The following SLC8A2 variants were observed in gnomAD, a reference collection of about 807,000 sequenced individuals.
SLC8A2 encodes the protein sodium/calcium exchanger 2.
Under a neutral mutation model 70.2 loss-of-function variants are expected in SLC8A2, and 14 were observed. The ratio of observed to expected loss-of-function variants is 0.20; its 90% CI spans 0.13 to 0.31. The LOEUF (loss-of-function observed/expected upper bound fraction) is 0.31. Ranked by LOEUF, SLC8A2 falls within the 10% of genes least tolerant of loss-of-function variation. The pLI, the probability that SLC8A2 is intolerant of heterozygous loss-of-function variation, is 1.00. For synonymous variants in SLC8A2, 575 were observed against 594.3 expected, an observed-to-expected ratio of 0.97 and a Z score of 0.47; for missense variants, 779 against 1,320.1, an observed-to-expected ratio of 0.59 and a Z score of 6.35.
rs1966914151 is a variant in SLC8A2, at chr19:47,429,077, C to T, written c.*1012G>A. The T allele has an allele frequency of 6.6e-6, 1 of 150,476 alleles. No individual in the cohort carries two copies. The highest frequency in any genetic ancestry group is 1.5e-5 in the Non-Finnish European group (1 of 67,560). The allele number at this position is 150,476 out of a possible 1,614,324, so 9.3% of individuals were successfully genotyped here. On this transcript the variant is annotated 3_prime_UTR_variant, in exon 10 of 10. Coordinates refer to ENST00000236877, the MANE Select transcript of SLC8A2 (RefSeq NM_015063.3). ...GCTTGTAGCATTGGTCCTCTGGGAC[C>T]CTCGGTCTCCTCTTCGAGGGTCCTG...
Position 47,466,008 on chromosome 19 carries a change from C to T in SLC8A2, c.396G>A (p.Thr132=), listed in dbSNP as rs61744638. The T allele has an allele frequency of 9.9e-6, 16 of 1,613,968 alleles. No homozygotes were observed. Among genetic ancestry groups the T allele is most frequent in the East Asian group, 2.2e-5 (1 of 44,890 alleles). ...GTGCGGAGGAGCCCAGGGCCATGAG[C>T]GTGAGGTTGGACACCGTCTCATTCC... ...RIWNETVSNL[T]LMALGSSAPE... The change falls in exon 2 of 10, where the codon ACG becomes ACA. Residue 132 remains threonine (T), a synonymous_variant. Coordinates refer to ENST00000236877, the MANE Select transcript of SLC8A2 (RefSeq NM_015063.3). This position sits in a 1 kb window ranked among gnomAD's most constrained non-coding sequence, Gnocchi z 6.9.
chr19:47,448,774 T>C lies in SLC8A2; in HGVS notation c.1341-543A>G, dbSNP rs905807657. Among the ~76,000 whole-genome samples, 2 of 152,172 alleles carry C rather than the reference T, an allele frequency of 1.3e-5. No homozygotes were observed. ...GGTCACATTTTAAGTGGCAGGGATA[T>C]AGGACCCAGAAAGGACTCTGTCATT... On this transcript the variant is annotated intron_variant, in intron 3 of 9. Coordinates refer to ENST00000236877, the MANE Select transcript of SLC8A2 (RefSeq NM_015063.3). This position sits in a 1 kb window ranked among gnomAD's most constrained non-coding sequence, Gnocchi z 4.8.
chr19:47,438,379 G>A (rs182006425), intron 6 of SLC8A2, among the ~76,000 whole-genome samples: 87 of 152,246 alleles, frequency 5.7e-4, no homozygotes, highest in African/African-American at 2.0e-3. Flanking sequence ...TTCAATACAT[G>A]TTACTATCTT....
At chr19:47,444,351 C>G (rs1967133692) in intron 4 of SLC8A2, among the ~76,000 whole-genome samples, 1 of 152,184 alleles carries the variant, frequency 6.6e-6, no homozygotes, top group African/African-American at 2.4e-5. Flanking sequence ...GACACAGCGA[C>G]ACCCGCGCAA....
chr19:47,452,903 C>G (rs975637143), intron 3 of SLC8A2, among the ~76,000 whole-genome samples: 3 of 152,020 alleles, frequency 2.0e-5, no homozygotes, highest in Non-Finnish European at 2.9e-5. Flanking sequence ...TGTGGCGGTG[C>G]ACACCTGTAA....
In SLC8A2 at chr19:47,437,867, C is replaced by T. The variant is rs1033506847; in HGVS notation, c.1992G>A (p.Glu664=). Residue 664 remains glutamate (E), a synonymous_variant, in exon 7 of 10, where the codon GAG becomes GAA. Coordinates refer to ENST00000236877, the MANE Select transcript of SLC8A2 (RefSeq NM_015063.3). ...AAATCACCTTAAAATCATATGACTC[C>T]TCGATGATGACCTCCAGCCGGCAGT... ...GENCRLEVII[E]ESYDFKNTVD... 1.2e-6 allele frequency: 2 copies of T among 1,613,960 alleles called. No individual in the cohort carries two copies. Among genetic ancestry groups the T allele is most frequent in the African/African-American group, 1.3e-5 (1 of 74,896 alleles).
chr19:47,464,804 A>G (rs547054545), intron 2 of SLC8A2, among the ~76,000 whole-genome samples: 1 of 152,360 alleles, frequency 6.6e-6, no homozygotes, highest in Non-Finnish European at 1.5e-5. Context: ...CCATAAATAA[A>G]TTATGCAAAT....
chr19:47,468,778 C>G lies in SLC8A2; in HGVS notation c.-16-2359G>C, dbSNP rs1967494898. Among the ~76,000 whole-genome samples the G allele has an allele frequency of 6.6e-6, 1 of 152,206 alleles. No individual in the cohort carries two copies. The highest frequency in any genetic ancestry group is 2.4e-5 in the African/African-American group (1 of 41,454). On this transcript the variant is annotated intron_variant, in intron 1 of 9. Coordinates refer to ENST00000236877, the MANE Select transcript of SLC8A2 (RefSeq NM_015063.3). The surrounding 1 kb of genome is among the most constrained non-coding windows in gnomAD (Gnocchi z 5.1). ...TTGCCCACATCATCCAGCACCAACT[C>G]TGGCTCCCAGGTCGCCTCTCCAAGA...
intron 3 of SLC8A2, among the ~76,000 whole-genome samples, chr19:47,450,625 G>A (rs1221161148): frequency 6.6e-6 from 1 of 152,172 alleles, no homozygotes; most frequent in East Asian, 1.9e-4. Context: ...AGAACCTGGT[G>A]AAAAGACCTG....
At position 47,457,361 on chromosome 19, in the gene SLC8A2, G is replaced by A. The variant is rs902085504; in HGVS notation, c.909C>T (p.Ala303=). The change falls in exon 3 of 10, where the codon GCC becomes GCT. Residue 303 remains alanine, a synonymous_variant. Coordinates refer to ENST00000236877, the MANE Select transcript of SLC8A2 (RefSeq NM_015063.3). ...GELGGLGPGP[A]EARELDASRR... ...GGCTGGCGTCCAGCTCGCGCGCCTC[G>A]GCGGGGCCCGGGCCCAGGCCGCCCA... The A allele has an allele frequency of 7.1e-6, 11 of 1,543,268 alleles. No individual in the cohort carries two copies. Among genetic ancestry groups the A allele is most frequent in the African/African-American group, 1.4e-5 (1 of 71,764 alleles).
At chr19:47,461,391 T>G (rs923237847) in intron 2 of SLC8A2, among the ~76,000 whole-genome samples, 1 of 147,538 alleles carries the variant, frequency 6.8e-6, no homozygotes, top group African/African-American at 2.5e-5. Context: ...CGCCTGTAAT[T>G]CCAGCTATTA....
chr19:47,434,047 C>CT (rs1451777034), intron 8 of SLC8A2, among the ~76,000 whole-genome samples: 1 of 152,244 alleles, frequency 6.6e-6, no homozygotes, highest in Non-Finnish European at 1.5e-5. Flanking sequence ...AATGAGCACA[C>CT]TTGTGTGTGG....
intron 8 of SLC8A2, among the ~76,000 whole-genome samples, chr19:47,436,726 G>A (rs960143934): frequency 2.6e-5 from 4 of 152,118 alleles, no homozygotes; most frequent in Non-Finnish European, 5.9e-5. Context: ...CTGAGCCTCA[G>A]TCTCCCCAGT....
In SLC8A2 at chr19:47,447,143, C is replaced by A. The variant is rs371082457; in HGVS notation, c.1763+666G>T. Reference sequence around the variant, plus strand: ...CCACCCCTTCCCTAGCTCCGCGCGCCCAGGCCCCACCCATCTTGTTAGGCC... The same window carrying A: ...CCACCCCTTCCCTAGCTCCGCGCGCACAGGCCCCACCCATCTTGTTAGGCC... On this transcript the variant is annotated intron_variant, in intron 4 of 9. Transcript: ENST00000236877. The surrounding 1 kb of genome is among the most constrained non-coding windows in gnomAD (Gnocchi z 5.1). Among the ~76,000 whole-genome samples the A allele has an allele frequency of 6.6e-6, 1 of 152,034 alleles. No homozygotes were observed. Among genetic ancestry groups the A allele is most frequent in the African/African-American group, 2.4e-5 (1 of 41,384 alleles).
chr19:47,469,535 C>T (rs555876450), intron 1 of SLC8A2, among the ~76,000 whole-genome samples: 1 of 152,220 alleles, frequency 6.6e-6, no homozygotes, highest in Non-Finnish European at 1.5e-5. Context: ...AGCCCAGGGG[C>T]TGGGTCAAGC....
At chr19:47,467,701 A>C (rs966035825) in intron 1 of SLC8A2, among the ~76,000 whole-genome samples, 1 of 151,886 alleles carries the variant, frequency 6.6e-6, no homozygotes, top group African/African-American at 2.4e-5. Context: ...TTTCCTTTTA[A>C]AACACAAATC....
intron 3 of SLC8A2, among the ~76,000 whole-genome samples, chr19:47,452,715 G>A (rs1664763084): frequency 6.6e-6 from 1 of 152,106 alleles, no homozygotes; most frequent in African/African-American, 2.4e-5. Context: ...TCAAGTCAGA[G>A]ACTGGATAGG....
chr19:47,436,350 C>G (rs988817998), intron 8 of SLC8A2, among the ~76,000 whole-genome samples: 1 of 152,212 alleles, frequency 6.6e-6, no homozygotes, highest in African/African-American at 2.4e-5. Context: ...GGGCTGTAAG[C>G]TCCATGACAG....
chr19:47,440,691 G>A (rs1423650710), intron 6 of SLC8A2, among the ~76,000 whole-genome samples: 2 of 151,428 alleles, frequency 1.3e-5, no homozygotes, highest in Admixed American at 1.3e-4. Context: ...TCCCGGGTTC[G>A]AGCGATTCTC....
Sources: allele counts gnomAD v4.1 joint callset (sites outside exome capture counted in the v4.1 genomes callset), GRCh38; gene constraint gnomAD v4.1.1; non-coding constraint Gnocchi (gnomAD v3.1); transcripts MANE v1.5; gene names NCBI Gene and HGNC (gene_info 2026-07-23, HGNC 2026-07-21).